Variants in CLIP4 observed in about 807,000 individuals in gnomAD.
CLIP4 encodes the protein CAP-Gly domain-containing linker protein 4.
In CLIP4, 47 loss-of-function variants were observed where a neutral mutation model predicts 73.1. The observed-to-expected ratio is 0.64, with a 90% CI of 0.51 to 0.82. CLIP4 has a LOEUF of 0.82. Among genes scored for constraint, CLIP4 ranks in the 40% least tolerant of loss-of-function variants. The probability of loss-of-function intolerance (pLI) is 0.00; values close to 1 mark genes in which losing one functional copy is unlikely to be tolerated. For missense variants in CLIP4, 874 were observed against 852.9 expected, an observed-to-expected ratio of 1.02 and a Z score of -0.31; for synonymous variants, 306 against 295.4, an observed-to-expected ratio of 1.04 and a Z score of -0.37.
intron 8 of CLIP4, among the ~76,000 whole-genome samples, chr2:29,148,510 C>T (rs188416063): frequency 2.0e-5 from 3 of 152,234 alleles, no homozygotes; most frequent in South Asian, 2.1e-4. Flanking sequence ...AATACATATA[C>T]TTAGTTTACT....
rs534608277 is a variant in CLIP4, at chr2:29,154,865, A to C, written c.1166-1489A>C. Among the ~76,000 whole-genome samples the C allele has an allele frequency of 3.0e-4, 46 of 152,288 alleles. 1 individual carries two copies. The South Asian group carries it at 9.3e-3, about 31-fold the overall frequency. On this transcript the variant is annotated intron_variant, in intron 9 of 15. Coordinates refer to ENST00000320081, the MANE Select transcript of CLIP4 (RefSeq NM_024692.6). Reference sequence around the variant, plus strand: ...AACCCACATCAGAACCACAGTGCACAGAGGGTGGTCAGGAACTTCTGCCCA... The same window carrying C: ...AACCCACATCAGAACCACAGTGCACCGAGGGTGGTCAGGAACTTCTGCCCA...
intron 15 of CLIP4, among the ~76,000 whole-genome samples, chr2:29,176,435 G>A (rs1668349661): frequency 6.6e-6 from 1 of 152,214 alleles, no homozygotes. Context: ...ACATTCTTGG[G>A]TAGAAACTTG....
intron 8 of CLIP4, among the ~76,000 whole-genome samples, chr2:29,146,107 C>T (rs565282105): frequency 1.3e-5 from 2 of 152,254 alleles, no homozygotes; most frequent in South Asian, 4.1e-4. Context: ...TGGGACTGGT[C>T]TCTTGGGTGG....
intron 2 of CLIP4, among the ~76,000 whole-genome samples, chr2:29,123,372 A>T (rs139166497): frequency 2.0e-3 from 301 of 152,304 alleles, no homozygotes; most frequent in Non-Finnish European, 3.5e-3. Flanking sequence ...GATGCTGGAG[A>T]TATCAGTGAC....
At chr2:29,164,387 T>C (rs1667473841) in intron 13 of CLIP4, among the ~76,000 whole-genome samples, 2 of 152,218 alleles carry the variant, frequency 1.3e-5, no homozygotes, top group African/African-American at 4.8e-5. Context: ...CTGATTTCTT[T>C]AGTTTTCAAA....
At chr2:29,146,762 CTCT>C (rs368280427) in intron 8 of CLIP4, among the ~76,000 whole-genome samples, 122 of 152,248 alleles carry the variant, frequency 8.0e-4, no homozygotes, top group African/African-American at 2.8e-3. Context: ...GACTGTCTTT[CTCT>C]TCTTGTGCCT....
Position 29,143,945 on chromosome 2 carries a change from G to C in CLIP4, c.885G>C (p.Lys295Asn). The C allele has an allele frequency of 6.2e-7, 1 of 1,613,230 alleles. No homozygotes were observed. The highest frequency in any genetic ancestry group is 8.5e-7 in the Non-Finnish European group (1 of 1,179,170). ...LGDRVVIAGQ[K>N]VGTLRFCGTT... ...ATCGTGTTGTTATTGCAGGACAGAAGGTACAGTAAGTAACTGCAATCTCTG... is the reference window on the plus strand; with the variant it reads ...ATCGTGTTGTTATTGCAGGACAGAACGTACAGTAAGTAACTGCAATCTCTG... The change falls in exon 7 of 16, where the codon AAG becomes AAC. Residue 295 changes from lysine (K) to asparagine (N), a missense_variant and splice_region_variant. Transcript: ENST00000320081.
chr2:29,163,451 C>G (rs1667416250), intron 12 of CLIP4, among the ~76,000 whole-genome samples: 1 of 151,962 alleles, frequency 6.6e-6, no homozygotes, highest in African/African-American at 2.4e-5. Flanking sequence ...ATTTTTAAAT[C>G]TCAATATTAT....
In CLIP4 at chr2:29,156,365, T is replaced by C; in HGVS notation, c.1177T>C (p.Ser393Pro). The C allele has an allele frequency of 6.4e-7, 1 of 1,570,882 alleles. No individual in the cohort carries two copies. Among genetic ancestry groups the C allele is most frequent in the African/African-American group, 1.4e-5 (1 of 71,992 alleles). ...TSKVNTGLMT[S>P]KKDSASESTL... ...TTTTTGTGTCCAAGGATTAATGACA[T>C]CAAAAAAAGATAGTGCTTCTGAGTC... Residue 393 changes from serine to proline, a missense_variant, in exon 10 of 16, where the codon TCA becomes CCA. By Grantham distance (74) the Ser-to-Pro change is moderately conservative. Coordinates refer to ENST00000320081, the MANE Select transcript of CLIP4 (RefSeq NM_024692.6).
chr2:29,163,708 T>A (rs1223106061), intron 12 of CLIP4, 123 bp from the exon 13 acceptor site: 4 of 868,772 alleles, frequency 4.6e-6, no homozygotes, highest in Non-Finnish European at 6.8e-6. Flanking sequence ...ATGAGTATCA[T>A]GATCTTCCCT....
chr2:29,166,063 T>C (rs1426237566), intron 13 of CLIP4, among the ~76,000 whole-genome samples: 1 of 152,078 alleles, frequency 6.6e-6, no homozygotes, highest in Non-Finnish European at 1.5e-5. Context: ...TCATTCATCA[T>C]CATCAAATAC....
At chr2:29,100,557 C>CA (rs1411908281) in intron 1 of CLIP4, among the ~76,000 whole-genome samples, 2 of 151,788 alleles carry the variant, frequency 1.3e-5, no homozygotes, top group Non-Finnish European at 1.5e-5. Context: ...TCCCTACCCC[C>CA]ATGAAGTTCA....
chr2:29,130,160 C>T (rs1664873716), intron 2 of CLIP4: 7 of 444,544 alleles, frequency 1.6e-5, no homozygotes, highest in South Asian at 1.1e-4. Context: ...AGAGAGCAGC[C>T]AGTGCTGCGG....
chr2:29,132,385 T>C, intron 4 of CLIP4, 140 bp downstream of exon 4: 2 of 680,226 alleles, frequency 2.9e-6, no homozygotes, highest in South Asian at 3.7e-5. Context: ...AGGATTCAGT[T>C]AGGTCCTTCC....
chr2:29,106,015 A>G (rs1434043469), intron 1 of CLIP4, among the ~76,000 whole-genome samples: 1 of 152,108 alleles, frequency 6.6e-6, no homozygotes, highest in Non-Finnish European at 1.5e-5. Context: ...TCTGCCTCTT[A>G]AGACTTTTCT....
intron 9 of CLIP4, among the ~76,000 whole-genome samples, chr2:29,155,831 C>A (rs1278032129): frequency 6.6e-6 from 1 of 152,168 alleles, no homozygotes; most frequent in Non-Finnish European, 1.5e-5. Context: ...AGACTCTGTT[C>A]ATGCCAGTAT....
chr2:29,178,887 C>T (rs1306049113), intron 15 of CLIP4, among the ~76,000 whole-genome samples: 7 of 152,218 alleles, frequency 4.6e-5, no homozygotes, highest in African/African-American at 1.4e-4. Context: ...CTCTGCCTCC[C>T]GAGTTCAAGC....
chr2:29,169,706 T>C (rs1308567772), intron 14 of CLIP4, among the ~76,000 whole-genome samples: 2 of 152,182 alleles, frequency 1.3e-5, no homozygotes, highest in South Asian at 2.1e-4. Flanking sequence ...GTCAGGGTAA[T>C]TGGGATATCT....
At chr2:29,168,512 C>CTTTTT (rs35201336) in intron 14 of CLIP4, among the ~76,000 whole-genome samples, 1 of 66,776 alleles carries the variant, frequency 1.5e-5, no homozygotes, top group Non-Finnish European at 2.8e-5. Flanking sequence ...ATGGTTTGCC[C>CTTTTT]TTTTTTTTTT....
Sources: gnomAD v4.1 joint callset for allele counts (sites outside exome capture counted in the v4.1 genomes callset) on GRCh38, gnomAD v4.1.1 for gene constraint, MANE v1.5 for transcripts, NCBI Gene and HGNC (gene_info 2026-07-23, HGNC 2026-07-21) for gene names.